GRK5: variants seen among roughly 807,000 people sequenced by gnomAD.
The protein encoded by GRK5 is g protein-coupled receptor kinase GRK5.
GRK5 carries 40 observed loss-of-function variants against 78.4 expected under a neutral mutation model. That is an observed-to-expected ratio of 0.51 (90% CI 0.40 to 0.66). GRK5 has a LOEUF of 0.66. Among genes scored for constraint, GRK5 ranks in the 30% least tolerant of loss-of-function variants. The pLI is 0.00. For missense variants in GRK5, 598 were observed against 759.9 expected, an observed-to-expected ratio of 0.79 and a Z score of 2.50; for synonymous variants, 289 against 296.8, an observed-to-expected ratio of 0.97 and a Z score of 0.27.
At chr10:119,415,232 G>T (rs1481873852) in intron 4 of GRK5, among the ~76,000 whole-genome samples, 2 of 152,150 alleles carry the variant, frequency 1.3e-5, no homozygotes, top group Admixed American at 6.5e-5. Flanking sequence ...GGTTATGTCA[G>T]AAGCAGGTCC....
rs140664816 is a variant in GRK5 at position 119,442,421 on chromosome 10, G to C, written c.1057+333G>C. On this transcript the variant is annotated intron_variant, in intron 11 of 15. Transcript: ENST00000392870. ...ATTGAAGCAGGGGTCTGGGAGGAGA[G>C]GCCTTTGAGAGGAAGGAGGTAATTC... is the stretch of plus-strand genomic sequence containing the variant. Among the ~76,000 whole-genome samples, 635 of 152,328 alleles carry C rather than the reference G, an allele frequency of 4.2e-3. 2 individuals carry two copies. Among genetic ancestry groups the C allele is most frequent in the African/African-American group, 0.013 (543 of 41,560 alleles).
chr10:119,334,256 T>G (rs909353538), intron 2 of GRK5, among the ~76,000 whole-genome samples: 1 of 152,134 alleles, frequency 6.6e-6, no homozygotes, highest in African/African-American at 2.4e-5. Context: ...CAGTGAGCTA[T>G]GAATGTGCTG....
At chr10:119,308,920 C>G (rs780561778) in intron 1 of GRK5, among the ~76,000 whole-genome samples, 9 of 152,202 alleles carry the variant, frequency 5.9e-5, no homozygotes, top group Non-Finnish European at 1.0e-4. Flanking sequence ...ACTTCCCAGA[C>G]GGAGCTGAAG....
chr10:119,256,288 C>CA (rs1849284910), intron 1 of GRK5, among the ~76,000 whole-genome samples: 1 of 152,310 alleles, frequency 6.6e-6, no homozygotes, highest in South Asian at 2.1e-4. Flanking sequence ...CCCCCCCACA[C>CA]ACCTCACAGC....
At chr10:119,419,624 G>A (rs1440066979) in intron 4 of GRK5, among the ~76,000 whole-genome samples, 1 of 152,236 alleles carries the variant, frequency 6.6e-6, no homozygotes, top group Non-Finnish European at 1.5e-5. Context: ...CTTGGGCAGA[G>A]CTCCCCTGCC....
At chr10:119,208,022 G>A in intron 1 of GRK5, 53 bp downstream of exon 1, 1 of 1,551,552 alleles carries the variant, frequency 6.4e-7, no homozygotes, top group Non-Finnish European at 8.8e-7. Context: ...GCCAGGGTGC[G>A]GGTGTCGGGT....
intron 2 of GRK5, among the ~76,000 whole-genome samples, chr10:119,341,091 A>G (rs1213884490): frequency 6.6e-6 from 1 of 151,890 alleles, no homozygotes; most frequent in Non-Finnish European, 1.5e-5. Flanking sequence ...CCAGGTCCCG[A>G]TGCCTCGGCC....
intron 15 of GRK5, among the ~76,000 whole-genome samples, chr10:119,454,286 C>T (rs1853355843): frequency 6.6e-6 from 1 of 152,210 alleles, no homozygotes; most frequent in Admixed American, 6.5e-5. Context: ...CAAACCCAGC[C>T]CTGAGACTTC....
chr10:119,420,709 G>A (rs966850222), intron 4 of GRK5, among the ~76,000 whole-genome samples: 3 of 151,920 alleles, frequency 2.0e-5, no homozygotes. Flanking sequence ...CTCCCAAGTA[G>A]CCGAGACTAC....
rs1013337392 is a variant in GRK5, at chr10:119,396,737, G to A, written c.304G>A (p.Gly102Arg). Residue 102 changes from glycine to arginine, a missense_variant, in exon 4 of 16, where the codon GGG becomes AGG. Transcript: ENST00000392870. ...TCCAGATGAAAAACTGGGAGAGAAA[G>A]GGAAGGAAATTATGACCAAGTACCT... is the stretch of plus-strand genomic sequence containing the variant. Reference protein sequence around the residue: ...VTPDEKLGEKGKEIMTKYLTP... With the variant: ...VTPDEKLGEKRKEIMTKYLTP... The A allele has an allele frequency of 5.0e-6, 8 of 1,613,916 alleles. No homozygotes were observed. The highest frequency in any genetic ancestry group is 3.3e-5 in the Admixed American group (2 of 60,038).
At chr10:119,224,400 A>ATTTG (rs1848702710) in intron 1 of GRK5, among the ~76,000 whole-genome samples, 1 of 149,362 alleles carries the variant, frequency 6.7e-6, no homozygotes, top group African/African-American at 2.5e-5. Flanking sequence ...TTATTTATTT[A>ATTTG]TTTATTTATT....
intron 4 of GRK5, among the ~76,000 whole-genome samples, chr10:119,410,553 C>T (rs1260192988): frequency 1.3e-5 from 2 of 152,168 alleles, no homozygotes; most frequent in Non-Finnish European, 2.9e-5. Flanking sequence ...GAACCACCCC[C>T]GACGCTTTGC....
intron 12 of GRK5, among the ~76,000 whole-genome samples, 177 bp from the exon 13 acceptor site, chr10:119,447,946 G>A (rs1369000835): frequency 6.6e-6 from 1 of 152,246 alleles, no homozygotes; most frequent in Non-Finnish European, 1.5e-5. Context: ...TAGCCAGGCT[G>A]TGAGTGTGTG....
intron 1 of GRK5, among the ~76,000 whole-genome samples, chr10:119,297,374 C>A (rs915492480): frequency 3.3e-5 from 5 of 152,178 alleles, no homozygotes; most frequent in African/African-American, 1.2e-4. Flanking sequence ...TGTATGGGAG[C>A]CCTGACAGCC....
intron 3 of GRK5, among the ~76,000 whole-genome samples, chr10:119,383,793 C>T (rs1442357718): frequency 6.6e-6 from 1 of 152,138 alleles, no homozygotes; most frequent in Non-Finnish European, 1.5e-5. Context: ...ACGCAGGGTT[C>T]TGGGCTCATC....
intron 2 of GRK5, among the ~76,000 whole-genome samples, chr10:119,370,751 C>T (rs1663234301): frequency 2.0e-5 from 3 of 152,244 alleles, no homozygotes; most frequent in Non-Finnish European, 2.9e-5. Context: ...TGTTTCAAAC[C>T]TGAAATACGG....
intron 1 of GRK5, among the ~76,000 whole-genome samples, chr10:119,288,286 G>A (rs1849892466): frequency 6.6e-6 from 1 of 152,196 alleles, no homozygotes. Flanking sequence ...TCTGTGGACA[G>A]GGCATAGGGG....
chr10:119,322,025 G>T (rs1189593324), intron 1 of GRK5, among the ~76,000 whole-genome samples: 1 of 152,174 alleles, frequency 6.6e-6, no homozygotes, highest in Non-Finnish European at 1.5e-5. Context: ...TCTGCACCCA[G>T]GCTAGAGTGC....
intron 1 of GRK5, among the ~76,000 whole-genome samples, chr10:119,234,293 G>A (rs1848882036): frequency 6.6e-6 from 1 of 152,234 alleles, no homozygotes; most frequent in Non-Finnish European, 1.5e-5. Context: ...AGCCCGTTGA[G>A]TCTGTGCTTT....
Sources: allele counts gnomAD v4.1 joint callset (sites outside exome capture counted in the v4.1 genomes callset), GRCh38; gene constraint gnomAD v4.1.1; transcripts MANE v1.5; gene names NCBI Gene and HGNC (gene_info 2026-07-23, HGNC 2026-07-21).